Variants in CDH10 observed in about 807,000 individuals in gnomAD.
The protein encoded by CDH10 is cadherin 10.
CDH10 carries 30 observed loss-of-function variants against 73.1 expected under a neutral mutation model. That is an observed-to-expected ratio of 0.41 (90% CI 0.31 to 0.56). The LOEUF (loss-of-function observed/expected upper bound fraction) is 0.56, where lower values mean the gene tolerates loss of function less well. Ranked by LOEUF, CDH10 falls within the 20% of genes least tolerant of loss-of-function variation. CDH10 has a pLI of 0.27. For synonymous variants in CDH10, 345 were observed against 348.2 expected (o/e 0.99, Z 0.10); for missense variants, 815 against 973.7 (o/e 0.84, Z 2.17).
rs895471632 is a variant in CDH10, at chr5:24,564,134, A to G, written c.232-26460T>C. 9.2e-5 allele frequency among the ~76,000 whole-genome samples: 14 copies of G among 152,240 alleles called. No individual in the cohort carries two copies. The East Asian group carries it at 2.5e-3, about 27-fold the overall frequency. ...ATTTAGAAACAAATATCTCTGTAAT[A>G]TGTGTATTCATTGCTATTGGGACAC... On this transcript the variant is annotated intron_variant, in intron 2 of 11. Transcript: ENST00000264463.
chr5:24,638,287 A>G (rs1747932787), intron 1 of CDH10, among the ~76,000 whole-genome samples: 1 of 151,656 alleles, frequency 6.6e-6, no homozygotes, highest in Non-Finnish European at 1.5e-5. Context: ...TATATATTTT[A>G]AAAGACAGTT....
At chr5:24,634,018 T>A (rs750165944) in intron 1 of CDH10, among the ~76,000 whole-genome samples, 2 of 151,884 alleles carry the variant, frequency 1.3e-5, no homozygotes. Context: ...AATGGGTCAA[T>A]ACTTCAAAAA....
chr5:24,584,549 C>G (rs1180520946), intron 2 of CDH10, among the ~76,000 whole-genome samples: 1 of 145,706 alleles, frequency 6.9e-6, no homozygotes, highest in Non-Finnish European at 1.5e-5. Context: ...CGGCTCACTA[C>G]AACCTCCGCC....
At chr5:24,495,820 C>T (rs1171904164) in intron 9 of CDH10, among the ~76,000 whole-genome samples, 1 of 149,470 alleles carries the variant, frequency 6.7e-6, no homozygotes, top group Non-Finnish European at 1.5e-5. Flanking sequence ...CCACTCACTG[C>T]ACTCCAGCCT....
At position 24,505,228 on chromosome 5, in the gene CDH10, G is replaced by T; in HGVS notation, c.1277C>A (p.Thr426Asn). The change falls in exon 8 of 12, where the codon ACT (threonine) becomes AAT (asparagine). Residue 426 changes from threonine (T) to asparagine (N), a missense_variant. Physicochemically the swap from Thr to Asn is moderately conservative, Grantham distance 65. Transcript: ENST00000264463. Reference protein sequence around the residue: ...SPIRFSLDRHTDLDRIFNIHS... With the variant: ...SPIRFSLDRHNDLDRIFNIHS... ...AATGTTAAAGATTCTGTCAAGGTCAGTATGGCGATCCAAGGAAAATCTGAA... is the reference window on the plus strand; with the variant it reads ...AATGTTAAAGATTCTGTCAAGGTCATTATGGCGATCCAAGGAAAATCTGAA... 5 of 1,613,004 alleles carry T rather than the reference G, an allele frequency of 3.1e-6. No individual in the cohort carries two copies. The highest frequency in any genetic ancestry group is 4.2e-6 in the Non-Finnish European group (5 of 1,179,230).
chr5:24,630,855 T>C (rs1211500861), intron 1 of CDH10, among the ~76,000 whole-genome samples: 1 of 152,096 alleles, frequency 6.6e-6, no homozygotes, highest in Non-Finnish European at 1.5e-5. Flanking sequence ...TAATATTTAA[T>C]AGGCATTTGT....
chr5:24,598,488 T>C (rs1173773878), intron 1 of CDH10, among the ~76,000 whole-genome samples: 2 of 151,668 alleles, frequency 1.3e-5, no homozygotes, highest in Non-Finnish European at 2.9e-5. Context: ...TTGAATATTA[T>C]AATTATTTGT....
intron 8 of CDH10, among the ~76,000 whole-genome samples, chr5:24,502,075 A>G (rs1263205576): frequency 7.0e-6 from 1 of 141,916 alleles, no homozygotes; most frequent in Non-Finnish European, 1.6e-5. Flanking sequence ...GCCCGCCACT[A>G]CGTCCGGCTC....
intron 2 of CDH10, among the ~76,000 whole-genome samples, chr5:24,571,407 G>A (rs1461452147): frequency 6.6e-6 from 1 of 152,100 alleles, no homozygotes; most frequent in African/African-American, 2.4e-5. Context: ...GTAAGAAAAT[G>A]CCTCAGAGAA....
chr5:24,593,048 A>G (rs1746253214), intron 2 of CDH10, among the ~76,000 whole-genome samples: 1 of 151,868 alleles, frequency 6.6e-6, no homozygotes, highest in African/African-American at 2.4e-5. Context: ...ATTGGGCAGA[A>G]TTAATTCTAA....
chr5:24,526,402 A>G (rs1193809438), intron 5 of CDH10, among the ~76,000 whole-genome samples: 1 of 151,936 alleles, frequency 6.6e-6, no homozygotes, highest in Non-Finnish European at 1.5e-5. Flanking sequence ...CATTTAGCCT[A>G]GCTGATATTT....
At chr5:24,629,346 T>G (rs1747624723) in intron 1 of CDH10, among the ~76,000 whole-genome samples, 2 of 152,134 alleles carry the variant, frequency 1.3e-5, no homozygotes, top group Admixed American at 1.3e-4. Context: ...TAAAATATAT[T>G]TCACCATACC....
At chr5:24,510,853 A>G (rs1259572764) in intron 6 of CDH10, among the ~76,000 whole-genome samples, 1 of 152,218 alleles carries the variant, frequency 6.6e-6, no homozygotes, top group East Asian at 1.9e-4. Flanking sequence ...AGTTTAATTT[A>G]TACAGCAGAA....
At chr5:24,511,689 C>T (rs551182682) in intron 5 of CDH10, among the ~76,000 whole-genome samples, 175 bp from the exon 6 acceptor site, 1 of 151,898 alleles carries the variant, frequency 6.6e-6, no homozygotes, top group Non-Finnish European at 1.5e-5. Flanking sequence ...ATACACATAA[C>T]ATGGATAACA....
chr5:24,604,310 G>C (rs1746675754), intron 1 of CDH10, among the ~76,000 whole-genome samples: 1 of 152,080 alleles, frequency 6.6e-6, no homozygotes, highest in Non-Finnish European at 1.5e-5. Context: ...TCATGTAATT[G>C]CCCTCCAGCC....
chr5:24,497,577 AT>A (rs978954006), intron 9 of CDH10, among the ~76,000 whole-genome samples: 13 of 152,330 alleles, frequency 8.5e-5, no homozygotes, highest in Non-Finnish European at 1.5e-4. Context: ...CCACAATATA[AT>A]TTGCATAAAA....
intron 2 of CDH10, among the ~76,000 whole-genome samples, chr5:24,564,042 A>G (rs1561165968): frequency 6.6e-6 from 1 of 152,180 alleles, no homozygotes; most frequent in Non-Finnish European, 1.5e-5. Flanking sequence ...TCTTGTACAT[A>G]CAGTGGACCA....
chr5:24,628,232 CA>C (rs1747576140), intron 1 of CDH10, among the ~76,000 whole-genome samples: 1 of 152,140 alleles, frequency 6.6e-6, no homozygotes, highest in Non-Finnish European at 1.5e-5. Context: ...TTAGCGGCTA[CA>C]AAACACCAGA....
At chr5:24,577,342 T>C (rs13186331) in intron 2 of CDH10, among the ~76,000 whole-genome samples, 58,207 of 151,968 alleles carry the variant, frequency 0.38, 13,575 homozygotes, top group East Asian at 0.54. Context: ...GACCTTCATA[T>C]TATCCTGTAA....
Sources: gnomAD v4.1 joint callset for allele counts (sites outside exome capture counted in the v4.1 genomes callset) on GRCh38, gnomAD v4.1.1 for gene constraint, MANE v1.5 for transcripts, NCBI Gene and HGNC (gene_info 2026-07-23, HGNC 2026-07-21) for gene names.